PODXL: variants seen among roughly 807,000 people sequenced by gnomAD.
The protein encoded by PODXL is podocalyxin like, also known as podocalyxin.
PODXL carries 20 observed loss-of-function variants against 48.9 expected under a neutral mutation model. That is an observed-to-expected ratio of 0.41 (90% CI 0.29 to 0.59). PODXL has a LOEUF of 0.59. Among genes scored for constraint, PODXL ranks in the 20% least tolerant of loss-of-function variants. The pLI, the probability that PODXL is intolerant of heterozygous loss-of-function variation, is 0.31. For missense variants in PODXL, 606 were observed against 675.1 expected (o/e 0.90, Z 1.13); for synonymous variants, 295 against 287.4 (o/e 1.03, Z -0.27).
At chr7:131,533,326 G>T (rs1370172267) in intron 1 of PODXL, among the ~76,000 whole-genome samples, 1 of 152,178 alleles carries the variant, frequency 6.6e-6, no homozygotes, top group Non-Finnish European at 1.5e-5. Context: ...GGGTCGTCAG[G>T]CCTGCCTCTC....
At position 131,506,719 on chromosome 7, in the gene PODXL, C is replaced by T. The variant is rs750678230; in HGVS notation, c.1109G>A (p.Gly370Asp). The stretch of plus-strand genomic sequence containing the variant: ...TGAGATCAATTTCTCATCCGAAGCG[C>T]CCCCTGCCTATGGTGGGGAGAGCGC... ...NLTGNTLCAG[G>D]ASDEKLISLI... The change falls in exon 6 of 9, where the codon GGC becomes GAC. Residue 370 changes from glycine (G) to aspartate (D), a missense_variant. By Grantham distance (94) the Gly-to-Asp change is moderately conservative (BLOSUM62 -1). Transcript: ENST00000378555. The T allele has an allele frequency of 1.9e-6, 3 of 1,613,968 alleles. No individual in the cohort carries two copies. Among genetic ancestry groups the T allele is most frequent in the Non-Finnish European group, 2.5e-6 (3 of 1,179,980 alleles).
intron 1 of PODXL, among the ~76,000 whole-genome samples, chr7:131,536,311 T>C (rs1798373129): frequency 6.6e-6 from 1 of 152,236 alleles, no homozygotes; most frequent in African/African-American, 2.4e-5. Context: ...GGGAGATGTA[T>C]GGCATGACGG....
intron 1 of PODXL, among the ~76,000 whole-genome samples, chr7:131,551,017 C>T (rs923897697): frequency 2.0e-5 from 3 of 152,112 alleles, no homozygotes; most frequent in African/African-American, 4.8e-5. Context: ...CTTTGCCAAC[C>T]GAATTCCACA....
intron 1 of PODXL, among the ~76,000 whole-genome samples, chr7:131,524,379 CAG>C (rs58163575): frequency 6.9e-4 from 72 of 104,066 alleles, no homozygotes; most frequent in Non-Finnish European, 5.4e-4. Flanking sequence ...CACACACACA[CAG>C]AGAGAGAGAG....
chr7:131,539,079 G>T (rs1030047835), intron 1 of PODXL, among the ~76,000 whole-genome samples: 1 of 152,208 alleles, frequency 6.6e-6, no homozygotes, highest in African/African-American at 2.4e-5. Flanking sequence ...GCCTGCCCAA[G>T]ATGGGCTCCC....
At chr7:131,504,616 A>G in intron 8 of PODXL, 108 bp from the exon 9 acceptor site, 1 of 907,474 alleles carries the variant, frequency 1.1e-6, no homozygotes, top group Non-Finnish European at 1.7e-6. Flanking sequence ...TAGCTAAAGC[A>G]GGCCCTCATT....
intron 1 of PODXL, among the ~76,000 whole-genome samples, chr7:131,540,502 C>A (rs950341313): frequency 6.6e-6 from 1 of 151,936 alleles, no homozygotes; most frequent in Non-Finnish European, 1.5e-5. Flanking sequence ...TGCACCGACC[C>A]GCACCCTTCG....
chr7:131,556,574 G>A lies in PODXL; in HGVS notation c.-215C>T. The A allele has an allele frequency of 2.7e-6, 1 of 370,196 alleles. No homozygotes were observed. The highest frequency in any genetic ancestry group is 4.4e-6 in the Non-Finnish European group (1 of 227,542). The allele number at this position is 370,196 out of a possible 1,614,324, so 22.9% of individuals were successfully genotyped here. A position where few individuals can be genotyped will look rare whatever the true frequency, so the allele number is the denominator to read the frequency against. ...GGGGCGCAGAGCCAGTGGCAGAGGA[G>A]CGGCGGCGGCGGCGGCTGCGTCCTG... On this transcript the variant is annotated 5_prime_UTR_variant, in exon 1 of 9. Coordinates refer to ENST00000378555, the MANE Select transcript of PODXL (RefSeq NM_001018111.3).
rs543440533 is a variant in PODXL at position 131,503,134 on chromosome 7, T to C, written c.*1177A>G. On this transcript the variant is annotated 3_prime_UTR_variant, in exon 9 of 9. Transcript: ENST00000378555. Reference sequence around the variant, plus strand: ...GGAGGGCTGGGTTAGAAAACAACTATAACAAAACTCTCAGCAACTTGAAAT... The same window carrying C: ...GGAGGGCTGGGTTAGAAAACAACTACAACAAAACTCTCAGCAACTTGAAAT... 2.6e-5 allele frequency: 4 copies of C among 152,668 alleles called. No individual in the cohort carries two copies. Among genetic ancestry groups the C allele is most frequent in the South Asian group, 2.1e-4 (1 of 4,830 alleles). The allele number at this position is 152,668 out of a possible 1,614,324, so 9.5% of individuals were successfully genotyped here. A position where few individuals can be genotyped will look rare whatever the true frequency, so the allele number is the denominator to read the frequency against.
chr7:131,522,148 A>T (rs933298384), intron 1 of PODXL, among the ~76,000 whole-genome samples: 2 of 152,196 alleles, frequency 1.3e-5, no homozygotes, highest in Non-Finnish European at 2.9e-5. Flanking sequence ...GCAAGTGTGA[A>T]GTAAAAAATA....
chr7:131,546,829 G>A (rs1798584641), intron 1 of PODXL, among the ~76,000 whole-genome samples: 2 of 151,996 alleles, frequency 1.3e-5, no homozygotes, highest in South Asian at 4.1e-4. Context: ...GGCAGGAATA[G>A]GAAGGCAGGG....
At chr7:131,524,347 A>AAT (rs1798138578) in intron 1 of PODXL, among the ~76,000 whole-genome samples, 1 of 59,186 alleles carries the variant, frequency 1.7e-5, no homozygotes, top group African/African-American at 4.3e-5. Flanking sequence ...TTCAATAGGA[A>AAT]ACACACACAC....
chr7:131,550,405 C>A (rs1369793119), intron 1 of PODXL, among the ~76,000 whole-genome samples: 1 of 152,128 alleles, frequency 6.6e-6, no homozygotes, highest in Non-Finnish European at 1.5e-5. Flanking sequence ...GCCTGTAATC[C>A]TAGCACTGGG....
At chr7:131,537,194 C>T (rs563513577) in intron 1 of PODXL, among the ~76,000 whole-genome samples, 1 of 152,106 alleles carries the variant, frequency 6.6e-6, no homozygotes, top group East Asian at 1.9e-4. Flanking sequence ...TACCTGTAGT[C>T]CCAGCTACTT....
chr7:131,514,098 A>G (rs1797956592), intron 1 of PODXL, among the ~76,000 whole-genome samples: 1 of 152,114 alleles, frequency 6.6e-6, no homozygotes, highest in Non-Finnish European at 1.5e-5. Context: ...CAGAGTATGA[A>G]AGGCACACTC....
intron 1 of PODXL, among the ~76,000 whole-genome samples, chr7:131,522,467 C>T (rs1217164540): frequency 1.3e-5 from 2 of 152,054 alleles, no homozygotes; most frequent in Non-Finnish European, 2.9e-5. Context: ...TGGAATACAG[C>T]TGTGGGGAGC....
intron 1 of PODXL, among the ~76,000 whole-genome samples, chr7:131,515,332 C>T (rs1221471261): frequency 2.0e-5 from 3 of 152,138 alleles, no homozygotes; most frequent in African/African-American, 7.2e-5. Flanking sequence ...AGCTTAATTC[C>T]GTGAGTTGCC....
intron 1 of PODXL, among the ~76,000 whole-genome samples, chr7:131,554,943 T>C (rs1798720240): frequency 1.3e-5 from 2 of 152,176 alleles, no homozygotes; most frequent in Admixed American, 1.3e-4. Context: ...TGACTGTTCC[T>C]CACACTGCAG....
At chr7:131,511,568 T>G (rs2116793254) in intron 1 of PODXL, 135 bp from the exon 2 acceptor site, 1 of 820,294 alleles carries the variant, frequency 1.2e-6, no homozygotes, top group Non-Finnish European at 1.9e-6. Context: ...GGGTCTTTGG[T>G]GAATCCAGAA....
Sources: gnomAD v4.1 joint callset for allele counts (sites outside exome capture counted in the v4.1 genomes callset) on GRCh38, gnomAD v4.1.1 for gene constraint, MANE v1.5 for transcripts, NCBI Gene and HGNC (gene_info 2026-07-23, HGNC 2026-07-21) for gene names.